The following RASSF3 variants were observed in gnomAD, a reference collection of about 807,000 sequenced individuals.
The protein encoded by RASSF3 is ras association domain-containing protein 3.
In RASSF3, 19 loss-of-function variants were observed where a neutral mutation model predicts 19.9. That is an observed-to-expected ratio of 0.96 (90% CI 0.67 to 1.40). The LOEUF (loss-of-function observed/expected upper bound fraction) is 1.40. Ranked by LOEUF, RASSF3 falls within the 40% of genes most tolerant of loss-of-function variation. The pLI is 0.00. For missense variants in RASSF3, 306 were observed against 289.8 expected (o/e 1.06, Z -0.41); for synonymous variants, 110 against 104.2 (o/e 1.06, Z -0.34).
At chr12:64,563,596 G>T (rs796803297) in intron 2 of RASSF3, among the ~76,000 whole-genome samples, 1 of 152,328 alleles carries the variant, frequency 6.6e-6, no homozygotes, top group Admixed American at 6.5e-5. Context: ...CTACCTTGCT[G>T]ATCTTGGCTC....
intron 1 of RASSF3, among the ~76,000 whole-genome samples, chr12:64,507,651 T>A (rs956175740): frequency 2.0e-5 from 3 of 152,164 alleles, no homozygotes; most frequent in Admixed American, 2.0e-4. Flanking sequence ...GCTCTTATTC[T>A]CAGGGACTCT....
rs529876064 is a variant in RASSF3, at chr12:64,595,818, C to T, written c.294+54113C>T. Among the ~76,000 whole-genome samples, 14 of 152,252 alleles carry T rather than the reference C, an allele frequency of 9.2e-5. No homozygotes were observed. The South Asian group carries it at 2.7e-3, about 29-fold the overall frequency. Reference sequence around the variant, plus strand: ...AAGTTTTTCTCTGACCTTTTCCTGTCCTCCTTTCTCTCAATCCCATTCTCC... The same window carrying T: ...AAGTTTTTCTCTGACCTTTTCCTGTTCTCCTTTCTCTCAATCCCATTCTCC... On this transcript the variant is annotated intron_variant, in intron 2 of 5. Coordinates refer to the RASSF3 transcript ENST00000637125.
At chr12:64,543,726 T>C (rs977343950), downstream of RASSF3, among the ~76,000 whole-genome samples, 12 of 151,184 alleles carry the variant, frequency 7.9e-5, no homozygotes, top group Admixed American at 4.0e-4. Flanking sequence ...CTGAGTCTAG[T>C]GAGGACTTGG....
chr12:64,544,561 G>A (rs1026623405), downstream of RASSF3, among the ~76,000 whole-genome samples: 1 of 151,870 alleles, frequency 6.6e-6, no homozygotes, highest in African/African-American at 2.4e-5. Flanking sequence ...AGGCTGCAGT[G>A]AGCTGGGACC....
chr12:64,534,687 GAGAC>G (rs1342673491), intron 1 of RASSF3, among the ~76,000 whole-genome samples: 2 of 152,124 alleles, frequency 1.3e-5, no homozygotes, highest in Non-Finnish European at 2.9e-5. Flanking sequence ...AGAGAATAGA[GAGAC>G]AGAGAGAGAC....
chr12:64,551,280 C>T (rs1222154681), intron 2 of RASSF3, among the ~76,000 whole-genome samples: 1 of 152,138 alleles, frequency 6.6e-6, no homozygotes, highest in Non-Finnish European at 1.5e-5. Flanking sequence ...TAGGCGGGCA[C>T]TATAACATGC....
At chr12:64,620,673 T>C (rs1870723406) in intron 1 of RASSF3, among the ~76,000 whole-genome samples, 2 of 152,192 alleles carry the variant, frequency 1.3e-5, no homozygotes, top group Non-Finnish European at 1.5e-5. Context: ...TTTGCTACTG[T>C]AAATAGCACT....
chr12:64,627,346 T>C (rs1871030953), intron 1 of RASSF3, among the ~76,000 whole-genome samples: 1 of 152,240 alleles, frequency 6.6e-6, no homozygotes, highest in Non-Finnish European at 1.5e-5. Context: ...GCATCAACTT[T>C]AAATTGCTTT....
intron 2 of RASSF3, among the ~76,000 whole-genome samples, chr12:64,580,029 G>T (rs1869665133): frequency 4.0e-5 from 6 of 151,796 alleles, no homozygotes; most frequent in Admixed American, 3.9e-4. Context: ...TGGCCAGGCT[G>T]GTCTTGAACT....
intron 2 of RASSF3, among the ~76,000 whole-genome samples, chr12:64,575,415 T>TG (rs1228383367): frequency 6.6e-5 from 10 of 152,058 alleles, no homozygotes; most frequent in Non-Finnish European, 1.3e-4. Flanking sequence ...TAGCCAGGCG[T>TG]GGTGGTGGAC....
intron 2 of RASSF3, among the ~76,000 whole-genome samples, chr12:64,604,508 T>C (rs1006412831): frequency 2.0e-5 from 3 of 152,126 alleles, no homozygotes; most frequent in Non-Finnish European, 4.4e-5. Flanking sequence ...GTCATTGCCA[T>C]GAACAAAATG....
At chr12:64,560,812 A>C (rs1869334116) in intron 2 of RASSF3, among the ~76,000 whole-genome samples, 3 of 152,328 alleles carry the variant, frequency 2.0e-5, no homozygotes, top group African/African-American at 7.2e-5. Flanking sequence ...CGAAATAGGC[A>C]AGAAGAGCCT....
chr12:64,684,594 G>T (rs1186025292), intron 1 of RASSF3, among the ~76,000 whole-genome samples, 193 bp from the exon 2 acceptor site: 1 of 151,978 alleles, frequency 6.6e-6, no homozygotes, highest in Non-Finnish European at 1.5e-5. Flanking sequence ...ACCATGCCCA[G>T]CTAATTTCGT....
At chr12:64,690,152 G>T (rs1185576650) in intron 3 of RASSF3, among the ~76,000 whole-genome samples, 3 of 151,154 alleles carry the variant, frequency 2.0e-5, no homozygotes, top group African/African-American at 7.3e-5. Context: ...TATGTTCTTT[G>T]GATGGTATAT....
At chr12:64,520,555 CATATATATATATATATATATATATATAT>C (rs66975333) in intron 1 of RASSF3, among the ~76,000 whole-genome samples, 39 of 86,346 alleles carry the variant, frequency 4.5e-4, no homozygotes, top group African/African-American at 1.3e-3. Context: ...CACATACACA[CATATATATATATATATATATATATATAT>C]ATATATATAT....
At chr12:64,573,412 A>T (rs1869550199) in intron 2 of RASSF3, among the ~76,000 whole-genome samples, 1 of 152,234 alleles carries the variant, frequency 6.6e-6, no homozygotes, top group Non-Finnish European at 1.5e-5. Context: ...ACATTATTTT[A>T]TTTCATGTTT....
chr12:64,548,708 C>T (rs1592397331), intron 2 of RASSF3, among the ~76,000 whole-genome samples: 3 of 152,152 alleles, frequency 2.0e-5, no homozygotes, highest in African/African-American at 4.8e-5. Context: ...AGTTCACAAA[C>T]AAACTTAGCT....
intron 1 of RASSF3, among the ~76,000 whole-genome samples, chr12:64,516,030 A>T (rs1246508482): frequency 6.6e-6 from 1 of 151,582 alleles, no homozygotes; most frequent in African/African-American, 2.4e-5. Context: ...TGATATTTTC[A>T]ATATATGTTG....
intron 1 of RASSF3, among the ~76,000 whole-genome samples, chr12:64,520,512 G>A (rs1305732325): frequency 9.5e-5 from 14 of 147,926 alleles, no homozygotes; most frequent in African/African-American, 2.2e-4. Flanking sequence ...GTGAGTGTGC[G>A]TGCATATGTG....
Sources: allele counts gnomAD v4.1 joint callset (sites outside exome capture counted in the v4.1 genomes callset), GRCh38; gene constraint gnomAD v4.1.1; transcripts MANE v1.5; gene names NCBI Gene and HGNC (gene_info 2026-07-23, HGNC 2026-07-21).